Variants in HOTAIR observed in about 807,000 individuals in gnomAD.
HOTAIR encodes the protein HOX transcript antisense RNA (non-protein coding).
intron 1 of HOTAIR, among the ~76,000 whole-genome samples, chr12:53,970,989 C>T (rs1171830323): frequency 1.3e-5 from 2 of 152,142 alleles, no homozygotes; most frequent in African/African-American, 4.8e-5. Flanking sequence ...GGGTACCTCT[C>T]GCTTCCCTCT....
Position 53,973,259 on chromosome 12 carries a change from C to G in HOTAIR, n.59+1639G>C, listed in dbSNP as rs34028255. The G allele has an allele frequency of 2.6e-5, 41 of 1,607,546 alleles. No individual in the cohort carries two copies. Among genetic ancestry groups the G allele is most frequent in the Non-Finnish European group, 3.2e-5 (38 of 1,177,762 alleles). On this transcript the variant is annotated intron_variant and non_coding_transcript_variant, in intron 1 of 6. Coordinates refer to ENST00000424518, the Ensembl canonical transcript of HOTAIR. This position sits in a 1 kb window ranked among gnomAD's most constrained non-coding sequence, Gnocchi z 4.3. The stretch of plus-strand genomic sequence containing the variant: ...GGAGAACGATGTTTAACTCGGTCAA[C>G]CTGGGCAACTTCTGCTCTCCGTCGC...
At chr12:53,969,567 A>T (rs1939115072) in intron 1 of HOTAIR, among the ~76,000 whole-genome samples, 1 of 152,198 alleles carries the variant, frequency 6.6e-6, no homozygotes. Context: ...CGGGTGCAAG[A>T]TAAACCACTG....
At chr12:53,966,736 A>T (rs1939061299) in intron 3 of HOTAIR, 1 of 152,312 alleles carries the variant, frequency 6.6e-6, no homozygotes, top group South Asian at 2.1e-4. Flanking sequence ...GCGGAGAAAC[A>T]AATATATTGG....
chr12:53,968,572 G>C (rs1409865105), intron 2 of HOTAIR: 1 of 152,312 alleles, frequency 6.6e-6, no homozygotes, highest in Non-Finnish European at 1.5e-5. Flanking sequence ...TGAGCAGAAG[G>C]CACTTTCCTT....
chr12:53,962,322 G>A (rs137995449), exon 7 of HOTAIR: 3 of 152,276 alleles, frequency 2.0e-5, no homozygotes, highest in Non-Finnish European at 4.4e-5. Context: ...TTCACCACAT[G>A]TAAAACTTTA....
intron 1 of HOTAIR, chr12:53,974,021 C>T (rs1364607609): frequency 1.9e-6 from 2 of 1,064,890 alleles, no homozygotes; most frequent in East Asian, 2.8e-5. Context: ...GGGACGGCCT[C>T]GTGTTTTGGG....
In HOTAIR at chr12:53,973,819, C is replaced by A; in HGVS notation, n.59+1079G>T. 9 of 1,522,502 alleles carry A rather than the reference C, an allele frequency of 5.9e-6. No homozygotes were observed. The highest frequency in any genetic ancestry group is 7.0e-6 in the Non-Finnish European group (8 of 1,136,878). 94.3% of individuals were successfully genotyped at this position (1,522,502 alleles called of 1,614,324 possible). A position where few individuals can be genotyped will look rare whatever the true frequency, so the allele number is the denominator to read the frequency against. ...CCGGCCTCGGGACTGGCGTCCCGGG[C>A]TGAGGCGGGTGCCGAGGCGGAGGCT... On this transcript the variant is annotated intron_variant and non_coding_transcript_variant, in intron 1 of 6. Transcript: ENST00000424518. The surrounding 1 kb of genome is among the most constrained non-coding windows in gnomAD (Gnocchi z 4.3).
chr12:53,968,949 T>TCTGATC (rs1041806653), intron 1 of HOTAIR: 1 of 152,236 alleles, frequency 6.6e-6, no homozygotes, highest in African/African-American at 2.4e-5. Flanking sequence ...GACCCAGGCA[T>TCTGATC]CTGATCGCTA....
At chr12:53,970,805 A>T (rs1402065268) in intron 1 of HOTAIR, among the ~76,000 whole-genome samples, 3 of 152,160 alleles carry the variant, frequency 2.0e-5, no homozygotes, top group African/African-American at 4.8e-5. Flanking sequence ...CTGTCTCCTC[A>T]CAGGATACAG....
rs1016457991 is a variant in HOTAIR at position 53,973,993 on chromosome 12, G to C, written n.59+905C>G. On this transcript the variant is annotated intron_variant and non_coding_transcript_variant, in intron 1 of 6. Transcript: ENST00000424518. The surrounding 1 kb of genome is among the most constrained non-coding windows in gnomAD (Gnocchi z 4.3). ...GCGAGAGAGGGAGGGCGAGAGAAGG[G>C]GGGAGGCAAGGGGAGCGGGGACGGC... 1 of 1,285,366 alleles carries C rather than the reference G, an allele frequency of 7.8e-7. No individual in the cohort carries two copies. Among genetic ancestry groups the C allele is most frequent in the Non-Finnish European group, 1.0e-6 (1 of 967,562 alleles). The allele number at this position is 1,285,366 out of a possible 1,614,324, so 79.6% of individuals were successfully genotyped here.
chr12:53,974,019 C>T, intron 1 of HOTAIR: 1 of 1,109,202 alleles, frequency 9.0e-7, no homozygotes, highest in South Asian at 1.8e-5. Context: ...CGGGGACGGC[C>T]TCGTGTTTTG....
chr12:53,968,517 G>C (rs532029239), intron 2 of HOTAIR: 1 of 152,262 alleles, frequency 6.6e-6, no homozygotes, highest in Admixed American at 6.5e-5. Context: ...AAACCACTGA[G>C]CCCGCCGAAA....
intron 1 of HOTAIR, among the ~76,000 whole-genome samples, chr12:53,972,884 T>A (rs1378962812): frequency 6.6e-6 from 1 of 151,550 alleles, no homozygotes; most frequent in East Asian, 1.9e-4. Context: ...GCCACCACCC[T>A]CGCCCATCCC....
exon 7 of HOTAIR, chr12:53,963,689 G>A (rs1227130335): frequency 6.6e-6 from 1 of 152,262 alleles, no homozygotes; most frequent in African/African-American, 2.4e-5. Flanking sequence ...TAAAGATGGA[G>A]ATGATAAGAA....
At position 53,973,774 on chromosome 12, in the gene HOTAIR, A is replaced by AG; in HGVS notation, n.59+1123dup. On this transcript the variant is annotated intron_variant and non_coding_transcript_variant, in intron 1 of 6. Transcript: ENST00000424518. This position sits in a 1 kb window ranked among gnomAD's most constrained non-coding sequence, Gnocchi z 4.3. ...CCCTGCTCCGGCAAGGGCGAGGCCA[A>AG]GGGGGAGCCCGAGGCACCCCCGGCC... 1 of 1,608,448 alleles carries AG rather than the reference A, an allele frequency of 6.2e-7. No individual in the cohort carries two copies. The highest frequency in any genetic ancestry group is 8.5e-7 in the Non-Finnish European group (1 of 1,177,650).
In HOTAIR at chr12:53,973,193, C is replaced by G; in HGVS notation, n.59+1705G>C. On this transcript the variant is annotated intron_variant and non_coding_transcript_variant, in intron 1 of 6. Coordinates refer to ENST00000424518, the Ensembl canonical transcript of HOTAIR. The surrounding 1 kb of genome is among the most constrained non-coding windows in gnomAD (Gnocchi z 4.3). Reference sequence around the variant, plus strand: ...CGCCTTCCCAAATTTTCCCCCCTCGCTAGACCGGGTCCAAAACCTCCATCC... The same window carrying G: ...CGCCTTCCCAAATTTTCCCCCCTCGGTAGACCGGGTCCAAAACCTCCATCC... 6.8e-7 allele frequency: 1 copy of G among 1,480,826 alleles called. No individual in the cohort carries two copies. The highest frequency in any genetic ancestry group is 1.4e-5 in the African/African-American group (1 of 71,428). The allele number at this position is 1,480,826 out of a possible 1,614,324, so 91.7% of individuals were successfully genotyped here.
At chr12:53,967,416 CAAAG>C (rs1939074950) in intron 2 of HOTAIR, 1 of 152,210 alleles carries the variant, frequency 6.6e-6, no homozygotes, top group African/African-American at 2.4e-5. Context: ...TCATAAAAAA[CAAAG>C]GAAGAGGATT....
chr12:53,965,081 A>G (rs1229523873), intron 5 of HOTAIR, among the ~76,000 whole-genome samples: 1 of 152,222 alleles, frequency 6.6e-6, no homozygotes, highest in Non-Finnish European at 1.5e-5. Flanking sequence ...GACAAGGTGG[A>G]GAGGCCCTTA....
chr12:53,972,829 G>GA (rs1358269340), intron 1 of HOTAIR, among the ~76,000 whole-genome samples: 2 of 151,870 alleles, frequency 1.3e-5, no homozygotes, highest in East Asian at 3.9e-4. Flanking sequence ...AATCCTGGGG[G>GA]AAAAAAGAGC....
Sources: gnomAD v4.1 joint callset for allele counts (sites outside exome capture counted in the v4.1 genomes callset) on GRCh38, gnomAD v4.1.1 for gene constraint, Gnocchi (gnomAD v3.1) non-coding constraint, MANE v1.5 for transcripts, NCBI Gene and HGNC (gene_info 2026-07-23, HGNC 2026-07-21) for gene names.